The following OLFML2B variants were observed in gnomAD, a reference collection of about 807,000 sequenced individuals.
OLFML2B encodes olfactomedin-like protein 2B.
In OLFML2B, 57 loss-of-function variants were observed where a neutral mutation model predicts 74.9. The ratio of observed to expected loss-of-function variants is 0.76; its 90% CI spans 0.61 to 0.95. The LOEUF (loss-of-function observed/expected upper bound fraction) is 0.95, where lower values mean the gene tolerates loss of function less well. Among genes scored for constraint, OLFML2B ranks in the 40% least tolerant of loss-of-function variants. The pLI, the probability that OLFML2B is intolerant of heterozygous loss-of-function variation, is 0.00. For synonymous variants in OLFML2B, 388 were observed against 405.8 expected, an observed-to-expected ratio of 0.96 and a Z score of 0.53; for missense variants, 986 against 970.6, an observed-to-expected ratio of 1.02 and a Z score of -0.21.
Position 162,020,044 on chromosome 1 carries a change from C to A in OLFML2B, c.313G>T (p.Val105Leu), listed in dbSNP as rs200497053. 2.5e-6 allele frequency: 4 copies of A among 1,614,080 alleles called. No individual in the cohort carries two copies. In the South Asian group the frequency reaches 4.4e-5, roughly 18 times the overall value. The change falls in exon 2 of 8, where the codon GTG becomes TTG. Residue 105 changes from valine to leucine, a missense_variant. Val to Leu is a conservative substitution (Grantham distance 32). Coordinates refer to ENST00000294794, the MANE Select transcript of OLFML2B (RefSeq NM_015441.3). The part of the protein sequence containing the change: ...GASRKEDFYT[V>L]ETITSGSSCK... ...GACGAGCCTGAGGTGATGGTTTCCA[C>A]GGTATAGAAGTCTTCCTTCCTGGAG...
At chr1:162,002,635 G>A (rs1690112249) in intron 4 of OLFML2B, among the ~76,000 whole-genome samples, 1 of 152,228 alleles carries the variant, frequency 6.6e-6, no homozygotes, top group Non-Finnish European at 1.5e-5. Context: ...TGACAAGAGA[G>A]TTCTTCTGGA....
At chr1:162,002,087 A>T (rs976603663) in intron 4 of OLFML2B, among the ~76,000 whole-genome samples, 1 of 152,174 alleles carries the variant, frequency 6.6e-6, no homozygotes, top group Admixed American at 6.5e-5. Context: ...CCTGTCCAGG[A>T]TTATAATCAC....
intron 6 of OLFML2B, 75 bp from the exon 7 acceptor site, chr1:161,985,055 C>T: frequency 6.8e-7 from 1 of 1,466,984 alleles, no homozygotes; most frequent in Non-Finnish European, 9.2e-7. Flanking sequence ...TGCTGTTCAT[C>T]CATTTAGAGT....
intron 4 of OLFML2B, 91 bp from the exon 5 acceptor site, chr1:162,000,429 T>A: frequency 1.0e-6 from 1 of 982,536 alleles, no homozygotes; most frequent in Non-Finnish European, 1.5e-6. Context: ...AAGGCTGTGC[T>A]AATAACAGCA....
At chr1:162,005,141 A>C (rs1362721438) in intron 4 of OLFML2B, among the ~76,000 whole-genome samples, 3 of 152,262 alleles carry the variant, frequency 2.0e-5, no homozygotes, top group African/African-American at 7.2e-5. Context: ...CAATTCAGTA[A>C]ATAACCCAAT....
At chr1:162,008,719 T>C (rs1255382570) in intron 3 of OLFML2B, among the ~76,000 whole-genome samples, 1 of 152,186 alleles carries the variant, frequency 6.6e-6, no homozygotes, top group Non-Finnish European at 1.5e-5. Context: ...GCTGAATCAG[T>C]ATCTGTATTT....
chr1:161,996,245 T>C (rs1689895103), intron 6 of OLFML2B, among the ~76,000 whole-genome samples: 1 of 151,880 alleles, frequency 6.6e-6, no homozygotes, highest in South Asian at 2.1e-4. Flanking sequence ...AAAAACACCA[T>C]AAGGAGAGAG....
intron 6 of OLFML2B, among the ~76,000 whole-genome samples, chr1:161,989,913 C>T (rs982899583): frequency 9.2e-5 from 14 of 152,236 alleles, no homozygotes; most frequent in African/African-American, 3.4e-4. Context: ...GATCGTGCTC[C>T]GAAAGCAGGA....
At chr1:162,022,592 G>C (rs1448214334) in intron 1 of OLFML2B, among the ~76,000 whole-genome samples, 1 of 152,166 alleles carries the variant, frequency 6.6e-6, no homozygotes, top group Non-Finnish European at 1.5e-5. Flanking sequence ...ATGGGTATTA[G>C]GGTGTTTTGA....
At chr1:161,992,976 ACT>A (rs1217800633) in intron 6 of OLFML2B, among the ~76,000 whole-genome samples, 1 of 151,278 alleles carries the variant, frequency 6.6e-6, no homozygotes, top group Admixed American at 6.6e-5. Flanking sequence ...AAAAAAATGC[ACT>A]CTCTGTGAAG....
chr1:162,014,998 G>A (rs987951391), intron 3 of OLFML2B, among the ~76,000 whole-genome samples: 8 of 152,162 alleles, frequency 5.3e-5, no homozygotes, highest in African/African-American at 1.9e-4. Context: ...GGAACCAGAA[G>A]GCCCTGTACT....
At chr1:162,004,001 A>C (rs1690151169) in intron 4 of OLFML2B, among the ~76,000 whole-genome samples, 1 of 152,170 alleles carries the variant, frequency 6.6e-6, no homozygotes, top group Admixed American at 6.5e-5. Flanking sequence ...GAGCAAGGAG[A>C]AAAAGGGTTT....
At position 161,998,098 on chromosome 1, in the gene OLFML2B, A is replaced by T; in HGVS notation, c.1201T>A (p.Ser401Thr). Residue 401 changes from serine to threonine, a missense_variant, in exon 6 of 8, where the codon TCT (serine) becomes ACT (threonine). Transcript: ENST00000294794. Reference sequence around the variant, plus strand: ...ACTGACTCCCTTGTGGGATCTGGAGACACCGAGGTTGTTTGGAGTGTTGGT... The same window carrying T: ...ACTGACTCCCTTGTGGGATCTGGAGTCACCGAGGTTGTTTGGAGTGTTGGT... ...VGPTLQTTSV[S>T]PDPTRESVLQ... 3 of 1,613,888 alleles carry T rather than the reference A, an allele frequency of 1.9e-6. No individual in the cohort carries two copies. The highest frequency in any genetic ancestry group is 2.5e-6 in the Non-Finnish European group (3 of 1,180,028).
chr1:162,004,832 A>T (rs1196222758), intron 4 of OLFML2B, among the ~76,000 whole-genome samples: 3 of 150,954 alleles, frequency 2.0e-5, no homozygotes, highest in Non-Finnish European at 4.4e-5. Flanking sequence ...ACTCAGAACG[A>T]CTCCCCGAAG....
intron 6 of OLFML2B, chr1:161,985,313 A>G (rs188233502): frequency 1.6e-3 from 330 of 200,998 alleles, no homozygotes; most frequent in African/African-American, 7.2e-3. Flanking sequence ...GAACTATTCT[A>G]TTCTATTCCA....
Position 161,986,974 on chromosome 1 carries a change from G to A in OLFML2B, c.1475-1994C>T, listed in dbSNP as rs144259001. Among the ~76,000 whole-genome samples the A allele has an allele frequency of 3.4e-3, 511 of 152,350 alleles. 4 individuals are homozygous for A. Among genetic ancestry groups the A allele is most frequent in the Non-Finnish European group, 5.2e-3 (357 of 68,034 alleles). On this transcript the variant is annotated intron_variant, in intron 6 of 7. Coordinates refer to ENST00000294794, the MANE Select transcript of OLFML2B (RefSeq NM_015441.3). Reference sequence around the variant, plus strand: ...GATGGACTCTTGAAAGCCAGGACTCGTCTGTGCAGCTCCAGCAGCCCTGAA... The same window carrying A: ...GATGGACTCTTGAAAGCCAGGACTCATCTGTGCAGCTCCAGCAGCCCTGAA...
intron 6 of OLFML2B, among the ~76,000 whole-genome samples, chr1:161,993,622 C>T (rs989317717): frequency 4.6e-5 from 7 of 152,118 alleles, no homozygotes; most frequent in African/African-American, 7.2e-5. Flanking sequence ...CATCAGGCCC[C>T]GGCTCCCTAC....
At chr1:162,018,648 C>T (rs973009342) in intron 2 of OLFML2B, among the ~76,000 whole-genome samples, 3 of 152,134 alleles carry the variant, frequency 2.0e-5, no homozygotes, top group African/African-American at 7.2e-5. Flanking sequence ...GGAAGGTGGC[C>T]GAGGCTCTGG....
chr1:161,985,293 C>G (rs1317711957), intron 6 of OLFML2B: 1 of 250,182 alleles, frequency 4.0e-6, no homozygotes, highest in Non-Finnish European at 7.6e-6. Context: ...ACATCATGCC[C>G]TCCTCTGGAG....
Sources: allele counts gnomAD v4.1 joint callset (sites outside exome capture counted in the v4.1 genomes callset), GRCh38; gene constraint gnomAD v4.1.1; transcripts MANE v1.5; gene names NCBI Gene and HGNC (gene_info 2026-07-23, HGNC 2026-07-21).